The following NTM variants were observed in gnomAD, a reference collection of about 807,000 sequenced individuals.
NTM encodes neurotrimin, also known as IgLON family member 2.
Under a neutral mutation model 42.1 loss-of-function variants are expected in NTM, and 13 were observed. The ratio of observed to expected loss-of-function variants is 0.31; its 90% CI spans 0.20 to 0.49. The LOEUF (loss-of-function observed/expected upper bound fraction) is 0.49, where lower values mean the gene tolerates loss of function less well. NTM is among the 20% of genes least tolerant of loss of function. The probability of loss-of-function intolerance (pLI) is 0.99; values close to 1 mark genes in which losing one functional copy is unlikely to be tolerated. For synonymous variants in NTM, 187 were observed against 179.2 expected, an observed-to-expected ratio of 1.04 and a Z score of -0.35; for missense variants, 373 against 452.8, an observed-to-expected ratio of 0.82 and a Z score of 1.60.
intron 1 of NTM, among the ~76,000 whole-genome samples, chr11:131,895,605 TACACATAC>T (rs2052142130): frequency 6.6e-6 from 1 of 152,110 alleles, no homozygotes; most frequent in Admixed American, 6.5e-5. Flanking sequence ...ACAATGTAGA[TACACATAC>T]ACACATTTAC....
intron 2 of NTM, among the ~76,000 whole-genome samples, chr11:132,094,177 A>G (rs2060689152): frequency 6.6e-6 from 1 of 152,242 alleles, no homozygotes; most frequent in African/African-American, 2.4e-5. Context: ...TATAGTTCAC[A>G]ATGCACAGAG....
chr11:132,007,276 G>A (rs1317554707), intron 2 of NTM, among the ~76,000 whole-genome samples: 1 of 152,172 alleles, frequency 6.6e-6, no homozygotes, highest in Non-Finnish European at 1.5e-5. Flanking sequence ...TTTTGAAGGT[G>A]AACATTCTAC....
intron 1 of NTM, chr11:131,502,746 C>G (rs945763797): frequency 2.0e-5 from 3 of 152,116 alleles, no homozygotes; most frequent in African/African-American, 7.3e-5. Flanking sequence ...TTTTGCCTCC[C>G]TTGTTTATTG....
At chr11:131,630,525 C>G (rs1489315188) in intron 1 of NTM, among the ~76,000 whole-genome samples, 2 of 152,122 alleles carry the variant, frequency 1.3e-5, no homozygotes, top group African/African-American at 4.8e-5. Context: ...TACTGGTGAT[C>G]GGTCCCACAA....
At position 131,697,298 on chromosome 11, in the gene NTM, G is replaced by C. The variant is rs61140171; in HGVS notation, c.83-214266G>C. On this transcript the variant is annotated intron_variant, in intron 1 of 8. Coordinates refer to ENST00000683400, the MANE Select transcript of NTM (RefSeq NM_001352005.2). ...CCTCTTGGAGACCACTGAGGGCTGC[G>C]GCCTGTGCCATAAGTGTGGGGCAAT... Among the ~76,000 whole-genome samples the C allele has an allele frequency of 3.9e-5, 6 of 152,258 alleles. No individual in the cohort carries two copies. In the East Asian group the frequency reaches 1.2e-3, roughly 29 times the overall value.
chr11:131,403,276 C>A (rs1945449238), intron 1 of NTM, among the ~76,000 whole-genome samples: 1 of 152,186 alleles, frequency 6.6e-6, no homozygotes, highest in Admixed American at 6.5e-5. Context: ...CCAAATGTTA[C>A]AGCACATCAC....
At position 131,724,459 on chromosome 11, in the gene NTM, A is replaced by C. The variant is rs2078723284; in HGVS notation, c.83-187105A>C. ...GCTCTCAGCCTCAAGTCATGTACAC[A>C]TTTCTTTAAAGAACACAATGTGGTT... On this transcript the variant is annotated intron_variant, in intron 1 of 8. Transcript: ENST00000683400. Among the ~76,000 whole-genome samples the C allele has an allele frequency of 2.6e-5, 4 of 152,088 alleles. 1 individual carries two copies. The South Asian group carries it at 8.3e-4, about 31-fold the overall frequency.
intron 1 of NTM, chr11:131,535,374 T>G (rs1239354755): frequency 6.6e-6 from 1 of 152,174 alleles, no homozygotes; most frequent in Non-Finnish European, 1.5e-5. Flanking sequence ...TATACTCTGG[T>G]CCATGATTGA....
intron 1 of NTM, among the ~76,000 whole-genome samples, chr11:131,459,088 T>C (rs894455272): frequency 3.3e-5 from 5 of 152,256 alleles, no homozygotes; most frequent in African/African-American, 9.6e-5. Context: ...CACCTCTCCA[T>C]GCAGTTAAAA....
Position 131,643,257 on chromosome 11 carries a change from T to C in NTM, c.83-268307T>C, listed in dbSNP as rs543088772. 3.9e-5 allele frequency among the ~76,000 whole-genome samples: 6 copies of C among 152,350 alleles called. 1 individual carries two copies. The South Asian group carries it at 1.2e-3, about 32-fold the overall frequency. The stretch of plus-strand genomic sequence containing the variant: ...AGCTCAGAGTGAGTTAAGGGATGAT[T>C]CTATCAACAGGAGACTCCTGCTGAT... On this transcript the variant is annotated intron_variant, in intron 1 of 8. Transcript: ENST00000683400.
intron 1 of NTM, among the ~76,000 whole-genome samples, chr11:131,802,660 C>T (rs370602329): frequency 9.9e-5 from 15 of 152,282 alleles, no homozygotes; most frequent in Admixed American, 5.2e-4. Context: ...TATCAATGGT[C>T]GGTATGTGTG....
chr11:131,470,200 G>A lies in NTM; in HGVS notation c.82+99312G>A, dbSNP rs947187396. 2.0e-4 allele frequency among the ~76,000 whole-genome samples: 30 copies of A among 152,288 alleles called. 1 individual carries two copies. The highest frequency in any genetic ancestry group is 5.3e-4 in the African/African-American group (22 of 41,564). ...TAAAGACCTGTTCTGCTATTAGCCC[G>A]GGGTTAGAAAGTTAGTGGGAAAGTA... On this transcript the variant is annotated intron_variant, in intron 1 of 8. Coordinates refer to ENST00000683400, the MANE Select transcript of NTM (RefSeq NM_001352005.2).
intron 1 of NTM, among the ~76,000 whole-genome samples, chr11:131,797,641 G>A (rs1219805237): frequency 6.6e-6 from 1 of 152,156 alleles, no homozygotes; most frequent in Admixed American, 6.5e-5. Flanking sequence ...ATGGTAATGT[G>A]TATAAATCAA....
intron 1 of NTM, among the ~76,000 whole-genome samples, chr11:131,656,268 C>T (rs935162092): frequency 2.6e-5 from 4 of 152,230 alleles, no homozygotes; most frequent in Non-Finnish European, 1.5e-5. Context: ...ATCCCAGTTA[C>T]GGGGGTGGCT....
intron 1 of NTM, among the ~76,000 whole-genome samples, chr11:131,751,343 C>G (rs1209287519): frequency 6.6e-6 from 1 of 152,040 alleles, no homozygotes; most frequent in Non-Finnish European, 1.5e-5. Flanking sequence ...GTAATCCCAG[C>G]ACTTCGGGAG....
At chr11:131,774,147 A>C in intron 1 of NTM, 1 of 983,078 alleles carries the variant, frequency 1.0e-6, no homozygotes, top group Non-Finnish European at 1.2e-6. Flanking sequence ...CATAAATGTC[A>C]GTGGGAAACC....
chr11:132,333,134 G>T (rs1024181024), intron 8 of NTM, among the ~76,000 whole-genome samples: 1 of 152,106 alleles, frequency 6.6e-6, no homozygotes, highest in African/African-American at 2.4e-5. Context: ...TGTGATTCAC[G>T]CATATGAAGC....
At chr11:131,428,106 G>C (rs537043444) in intron 1 of NTM, among the ~76,000 whole-genome samples, 1 of 152,278 alleles carries the variant, frequency 6.6e-6, no homozygotes, top group South Asian at 2.1e-4. Context: ...ATGTGGACTT[G>C]AATATGCAAG....
chr11:131,880,148 C>T (rs928021049), intron 1 of NTM, among the ~76,000 whole-genome samples: 3 of 152,156 alleles, frequency 2.0e-5, no homozygotes, highest in Admixed American at 6.5e-5. Flanking sequence ...AAATCTCTTC[C>T]GACCCAGCAG....
Sources: gnomAD v4.1 joint callset for allele counts (sites outside exome capture counted in the v4.1 genomes callset) on GRCh38, gnomAD v4.1.1 for gene constraint, MANE v1.5 for transcripts, NCBI Gene and HGNC (gene_info 2026-07-23, HGNC 2026-07-21) for gene names.